The following STK3 variants were observed in gnomAD, a reference collection of about 807,000 sequenced individuals.
STK3 encodes the protein serine/threonine-protein kinase 3.
In STK3, 41 loss-of-function variants were observed where a neutral mutation model predicts 58.0. The observed-to-expected ratio is 0.71, with a 90% CI of 0.55 to 0.92. STK3 has a LOEUF of 0.92. STK3 is among the 40% of genes least tolerant of loss of function. STK3 has a pLI of 0.00. For missense variants in STK3, 479 were observed against 602.7 expected, an observed-to-expected ratio of 0.79 and a Z score of 2.15; for synonymous variants, 170 against 191.0, an observed-to-expected ratio of 0.89 and a Z score of 0.91.
At chr8:98,597,787 A>G (rs887290937) in intron 6 of STK3, 1 of 985,246 alleles carries the variant, frequency 1.0e-6, no homozygotes, top group East Asian at 1.1e-4. Flanking sequence ...TAGGATACAT[A>G]TCTCAGACCC....
At chr8:98,830,698 C>T (rs113830287) in intron 3 of STK3, among the ~76,000 whole-genome samples, 21 of 152,120 alleles carry the variant, frequency 1.4e-4, no homozygotes, top group African/African-American at 1.2e-4. Context: ...CGGCCAGGCG[C>T]GGTGGCTCAC....
chr8:98,900,189 G>C lies in STK3; in HGVS notation c.-78-16355C>G, dbSNP rs1225080473. On this transcript the variant is annotated intron_variant, in intron 1 of 1. Coordinates refer to the STK3 transcript ENST00000519420. ...CCTCCCAAGTTCAAGTGATTCTCCT[G>C]CCTCAGCCTCCCGAGTAGCAGAGAT... 2.0e-5 allele frequency among the ~76,000 whole-genome samples: 3 copies of C among 151,964 alleles called. No homozygotes were observed. The East Asian group carries it at 5.8e-4, about 29-fold the overall frequency.
At chr8:98,746,506 A>C (rs943082359) in intron 4 of STK3, among the ~76,000 whole-genome samples, 1 of 152,262 alleles carries the variant, frequency 6.6e-6, no homozygotes, top group Non-Finnish European at 1.5e-5. Flanking sequence ...CCAGCTACTC[A>C]GGAGGCTGAA....
rs71515000 is a variant in STK3 at position 98,672,872 on chromosome 8, A to T, written c.684+33595T>A. ...TTAGTGGAGGTCGGGGGCAGTCACTAAGAACTTTTTATGCAGGTTTAAATT... is the reference window on the plus strand; with the variant it reads ...TTAGTGGAGGTCGGGGGCAGTCACTTAGAACTTTTTATGCAGGTTTAAATT... On this transcript the variant is annotated intron_variant, in intron 6 of 10. Coordinates refer to ENST00000419617, the MANE Select transcript of STK3 (RefSeq NM_006281.4). Among the ~76,000 whole-genome samples the T allele has an allele frequency of 6.0e-3, 909 of 152,274 alleles. 3 individuals are homozygous for T. Among genetic ancestry groups the T allele is most frequent in the Middle Eastern group, 0.014 (4 of 292 alleles).
intron 4 of STK3, among the ~76,000 whole-genome samples, chr8:98,724,223 T>A (rs1827637946): frequency 6.6e-6 from 1 of 152,136 alleles, no homozygotes; most frequent in Admixed American, 6.6e-5. Flanking sequence ...ACTCTTAAAA[T>A]CCAAACCATC....
At chr8:98,470,490 G>C (rs1440162538) in intron 10 of STK3, among the ~76,000 whole-genome samples, 2 of 152,166 alleles carry the variant, frequency 1.3e-5, no homozygotes, top group African/African-American at 4.8e-5. Flanking sequence ...CTCAGTACAA[G>C]GCCTTTTAAG....
At chr8:98,622,546 T>C (rs1818409984) in intron 6 of STK3, among the ~76,000 whole-genome samples, 2 of 152,184 alleles carry the variant, frequency 1.3e-5, no homozygotes, top group South Asian at 2.1e-4. Flanking sequence ...CAATTCATCA[T>C]GGTAAACTCA....
intron 3 of STK3, among the ~76,000 whole-genome samples, chr8:98,867,029 G>A (rs141676826): frequency 2.0e-5 from 3 of 152,218 alleles, no homozygotes; most frequent in Admixed American, 2.0e-4. Context: ...GATCCTGAAA[G>A]GGTGATCTGG....
intron 6 of STK3, among the ~76,000 whole-genome samples, chr8:98,665,163 TCAAAA>T (rs1456024175): frequency 6.6e-6 from 1 of 152,182 alleles, no homozygotes; most frequent in African/African-American, 2.4e-5. Flanking sequence ...CATTTAACTC[TCAAAA>T]CAAACTTGAA....
chr8:98,817,055 T>C (rs895560817), intron 1 of STK3, among the ~76,000 whole-genome samples: 1 of 152,258 alleles, frequency 6.6e-6, no homozygotes, highest in African/African-American at 2.4e-5. Context: ...AAAAAGATTT[T>C]TTTTAAAATA....
chr8:98,858,471 A>AT (rs994620050), intron 3 of STK3, among the ~76,000 whole-genome samples: 7 of 148,408 alleles, frequency 4.7e-5, no homozygotes, highest in East Asian at 2.0e-4. Flanking sequence ...CCATCCGGTA[A>AT]TTTTTTTTTA....
chr8:98,905,556 A>T, intron 1 of STK3: 1 of 1,061,280 alleles, frequency 9.4e-7, no homozygotes, highest in Non-Finnish European at 1.5e-6. Flanking sequence ...TATGTGTACA[A>T]AGCCGTAGTT....
chr8:98,471,335 G>A (rs1355914612), intron 10 of STK3, among the ~76,000 whole-genome samples: 4 of 151,134 alleles, frequency 2.6e-5, no homozygotes, highest in Non-Finnish European at 4.4e-5. Context: ...TTTAAGAAAA[G>A]AGGCCTGGTT....
chr8:98,469,674 G>A (rs192505937), intron 10 of STK3, among the ~76,000 whole-genome samples: 1 of 152,346 alleles, frequency 6.6e-6, no homozygotes, highest in Admixed American at 6.5e-5. Flanking sequence ...TTAATATGGA[G>A]TAGTTTTGCT....
chr8:98,443,796 C>T (rs925656794), intron 1 of STK3, among the ~76,000 whole-genome samples: 3 of 150,900 alleles, frequency 2.0e-5, no homozygotes, highest in Non-Finnish European at 4.4e-5. Context: ...TGCAATGAGC[C>T]GAGATCACAC....
intron 8 of STK3, among the ~76,000 whole-genome samples, chr8:98,565,540 T>C (rs1164767214): frequency 6.6e-6 from 1 of 152,158 alleles, no homozygotes; most frequent in Non-Finnish European, 1.5e-5. Context: ...TCAATATGTA[T>C]ATGCTTTTAA....
intron 6 of STK3, among the ~76,000 whole-genome samples, chr8:98,698,763 G>T (rs1825245963): frequency 1.3e-5 from 2 of 152,126 alleles, no homozygotes; most frequent in African/African-American, 4.8e-5. Context: ...CCCTTTGTGG[G>T]TAACCCGACC....
intron 10 of STK3, among the ~76,000 whole-genome samples, chr8:98,503,243 G>A (rs1051814869): frequency 7.2e-5 from 11 of 151,984 alleles, no homozygotes; most frequent in African/African-American, 7.2e-5. Flanking sequence ...CTATGGGATC[G>A]GTGGTGATAT....
intron 1 of STK3, among the ~76,000 whole-genome samples, chr8:98,894,265 G>T (rs1395120627): frequency 1.3e-5 from 2 of 151,934 alleles, no homozygotes; most frequent in Non-Finnish European, 2.9e-5. Flanking sequence ...ATATTTCATT[G>T]TCTGTAGGAC....
Sources: gnomAD v4.1 joint callset for allele counts (sites outside exome capture counted in the v4.1 genomes callset) on GRCh38, gnomAD v4.1.1 for gene constraint, MANE v1.5 for transcripts, NCBI Gene and HGNC (gene_info 2026-07-23, HGNC 2026-07-21) for gene names.